Variants in ZNRF3 observed in about 807,000 individuals in gnomAD.
The protein encoded by ZNRF3 is E3 ubiquitin-protein ligase ZNRF3.
In ZNRF3, 23 loss-of-function variants were observed where a neutral mutation model predicts 72.5. That is an observed-to-expected ratio of 0.32 (90% CI 0.23 to 0.45). The LOEUF is 0.45. ZNRF3 is among the 20% of genes least tolerant of loss of function. The pLI is 1.00. For synonymous variants in ZNRF3, 610 were observed against 545.3 expected, an observed-to-expected ratio of 1.12 and a Z score of -1.65; for missense variants, 1,169 against 1,272.1, an observed-to-expected ratio of 0.92 and a Z score of 1.23.
intron 1 of ZNRF3, among the ~76,000 whole-genome samples, chr22:28,951,396 G>A (rs1318299740): frequency 6.6e-6 from 1 of 152,108 alleles, no homozygotes; most frequent in Non-Finnish European, 1.5e-5. Flanking sequence ...CTGGACATAT[G>A]CACACACACC....
rs1166695035 is a variant in ZNRF3, at chr22:29,042,646, G to A, written c.501+77G>A. ...CCTTTAGTGAGCTTGGCTTGTCCCG[G>A]TCATGTCACCCTCATCTCAGAGCAT... On this transcript the variant is annotated intron_variant, in intron 3 of 8. Transcript: ENST00000544604. The A allele has an allele frequency of 6.2e-6, 8 of 1,296,750 alleles. No homozygotes were observed. The Admixed American group carries it at 1.3e-4, about 20-fold the overall frequency. 80.3% of individuals were successfully genotyped at this position (1,296,750 alleles called of 1,614,324 possible).
In ZNRF3 at chr22:29,050,526, A is replaced by G. The variant is rs968131302; in HGVS notation, c.2345A>G (p.Tyr782Cys). 6 of 1,611,982 alleles carry G rather than the reference A, an allele frequency of 3.7e-6. No individual in the cohort carries two copies. In the East Asian group the frequency reaches 8.9e-5, roughly 24 times the overall value. The change falls in exon 8 of 9, where the codon TAT (tyrosine) becomes TGT (cysteine). Residue 782 changes from tyrosine (Y) to cysteine (C), a missense_variant. Tyr to Cys is a radical substitution (Grantham distance 194, BLOSUM62 -2). Coordinates refer to ENST00000544604, the MANE Select transcript of ZNRF3 (RefSeq NM_001206998.2). ...TACGAGGGTCTGCCCTGCTGCTTCT[A>G]TGAAGAGAAGCAGGTGGCCCGCGGG... The part of the protein sequence containing the change: ...VKYEGLPCCF[Y>C]EEKQVARGGG...
intron 1 of ZNRF3, among the ~76,000 whole-genome samples, chr22:28,924,978 C>A (rs905014499): frequency 1.3e-5 from 2 of 152,182 alleles, no homozygotes; most frequent in African/African-American, 4.8e-5. Context: ...CTGTAAAAAT[C>A]ATAGACATGT....
At chr22:29,045,203 A>G (rs1434051930) in intron 5 of ZNRF3, among the ~76,000 whole-genome samples, 1 of 152,038 alleles carries the variant, frequency 6.6e-6, no homozygotes, top group Non-Finnish European at 1.5e-5. Context: ...TCTACCAAAA[A>G]TACAAAAATT....
intron 2 of ZNRF3, among the ~76,000 whole-genome samples, chr22:29,040,169 C>A (rs1231652539): frequency 1.6e-4 from 25 of 151,606 alleles, no homozygotes; most frequent in Non-Finnish European, 4.4e-5. Context: ...TAGGCGGCCT[C>A]CCTGCACCCC....
At chr22:28,937,211 ATATATTT>A (rs1357192250) in intron 1 of ZNRF3, among the ~76,000 whole-genome samples, 9 of 3,242 alleles carry the variant, frequency 2.8e-3, no homozygotes, top group African/African-American at 4.5e-3. Flanking sequence ...ATATATATAT[ATATATTT>A]TTTTTTTTTT....
chr22:28,943,336 A>T (rs1466564976), intron 1 of ZNRF3, among the ~76,000 whole-genome samples: 1 of 152,050 alleles, frequency 6.6e-6, no homozygotes, highest in Non-Finnish European at 1.5e-5. Context: ...TGCTTCCCTT[A>T]GCAACCGATC....
chr22:29,051,601 C>CT (rs1601719332), intron 8 of ZNRF3, among the ~76,000 whole-genome samples: 2 of 109,558 alleles, frequency 1.8e-5, no homozygotes, highest in Admixed American at 1.1e-4. Context: ...GAGACTCTGT[C>CT]TTAAAAAAAA....
Position 29,049,237 on chromosome 22 carries a change from C to T in ZNRF3, c.1056C>T (p.Ser352=), listed in dbSNP as rs776466660. The part of the protein sequence containing the change: ...GNPSAVCVET[S]NLSRGRQQRV... Reference sequence around the variant, plus strand: ...CAAGCGCGGTGTGTGTGGAGACCAGCAACCTCTCACGTGGTCGGCAGCAGA... The same window carrying T: ...CAAGCGCGGTGTGTGTGGAGACCAGTAACCTCTCACGTGGTCGGCAGCAGA... The change falls in exon 8 of 9, where the codon AGC becomes AGT. Residue 352 remains serine (S), a synonymous_variant. Transcript: ENST00000544604. The surrounding 1 kb of genome is among the most constrained non-coding windows in gnomAD (Gnocchi z 5.2). 8.1e-6 allele frequency: 13 copies of T among 1,611,684 alleles called. No homozygotes were observed. In the South Asian group the frequency reaches 1.4e-4, roughly 18 times the overall value.
At chr22:28,925,865 A>G (rs1041218350) in intron 1 of ZNRF3, among the ~76,000 whole-genome samples, 9 of 152,116 alleles carry the variant, frequency 5.9e-5, no homozygotes, top group African/African-American at 2.2e-4. Flanking sequence ...TGGATGTGAC[A>G]GAGTATGTAA....
chr22:28,950,651 C>G (rs541859590), intron 1 of ZNRF3, among the ~76,000 whole-genome samples: 1 of 152,328 alleles, frequency 6.6e-6, no homozygotes, highest in East Asian at 1.9e-4. Context: ...TTAGGGCCTT[C>G]CTCCATATCT....
At chr22:28,889,730 T>C (rs1308481782) in intron 1 of ZNRF3, among the ~76,000 whole-genome samples, 1 of 152,216 alleles carries the variant, frequency 6.6e-6, no homozygotes, top group Non-Finnish European at 1.5e-5. Context: ...GAGAATATAG[T>C]CACTCAAAGA....
chr22:29,034,756 C>G (rs2036834568), intron 2 of ZNRF3, among the ~76,000 whole-genome samples: 1 of 152,172 alleles, frequency 6.6e-6, no homozygotes, highest in South Asian at 2.1e-4. Context: ...AATGTACATG[C>G]TCTTCCTTAT....
At chr22:28,932,153 G>GT (rs2034718707) in intron 1 of ZNRF3, among the ~76,000 whole-genome samples, 1 of 152,230 alleles carries the variant, frequency 6.6e-6, no homozygotes, top group African/African-American at 2.4e-5. Flanking sequence ...TTGAGTGCCT[G>GT]TTTGTAACCA....
At chr22:28,930,358 A>G (rs1353565585) in intron 1 of ZNRF3, among the ~76,000 whole-genome samples, 1 of 152,194 alleles carries the variant, frequency 6.6e-6, no homozygotes, top group Non-Finnish European at 1.5e-5. Flanking sequence ...GGTACTAGAG[A>G]GTAGTTTCCC....
intron 1 of ZNRF3, among the ~76,000 whole-genome samples, chr22:28,982,289 T>G (rs2035777334): frequency 6.6e-6 from 1 of 152,040 alleles, no homozygotes; most frequent in South Asian, 2.1e-4. Context: ...ACTGTTGGAT[T>G]AAATAAGAGA....
At chr22:28,935,038 G>A (rs1569251623) in intron 1 of ZNRF3, among the ~76,000 whole-genome samples, 1 of 152,132 alleles carries the variant, frequency 6.6e-6, no homozygotes, top group Non-Finnish European at 1.5e-5. Flanking sequence ...CTAGATGCAC[G>A]ATAACACAGC....
At chr22:29,000,187 T>C (rs992524754) in intron 2 of ZNRF3, among the ~76,000 whole-genome samples, 12 of 152,126 alleles carry the variant, frequency 7.9e-5, no homozygotes, top group African/African-American at 2.7e-4. Flanking sequence ...AATAAAAGAG[T>C]TTCAACACAT....
chr22:28,955,223 T>A (rs1376987181), intron 1 of ZNRF3, among the ~76,000 whole-genome samples: 1 of 151,756 alleles, frequency 6.6e-6, no homozygotes. Flanking sequence ...TAAAATGTTT[T>A]GTAGCGATGG....
Sources: gnomAD v4.1 joint callset for allele counts (sites outside exome capture counted in the v4.1 genomes callset) on GRCh38, gnomAD v4.1.1 for gene constraint, Gnocchi (gnomAD v3.1) non-coding constraint, MANE v1.5 for transcripts, NCBI Gene and HGNC (gene_info 2026-07-23, HGNC 2026-07-21) for gene names.